The following LRRFIP2 variants were observed in gnomAD, a reference collection of about 807,000 sequenced individuals.
LRRFIP2 encodes leucine-rich repeat flightless-interacting protein 2.
A neutral mutation model predicts 125.9 loss-of-function variants in LRRFIP2; 109 were observed. That is an observed-to-expected ratio of 0.87 (90% CI 0.74 to 1.01). The LOEUF (loss-of-function observed/expected upper bound fraction) is 1.01. Ranked by LOEUF, LRRFIP2 falls within the 50% of genes least tolerant of loss-of-function variation. LRRFIP2 has a pLI of 0.00. For synonymous variants in LRRFIP2, 291 were observed against 293.1 expected, an observed-to-expected ratio of 0.99 and a Z score of 0.07; for missense variants, 850 against 862.3, an observed-to-expected ratio of 0.99 and a Z score of 0.18.
intron 18 of LRRFIP2, among the ~76,000 whole-genome samples, chr3:37,088,056 G>A (rs1178866646): frequency 6.6e-6 from 1 of 152,166 alleles, no homozygotes; most frequent in East Asian, 1.9e-4. Context: ...AAAGCTCCAG[G>A]TGATTATGAC....
At position 37,052,633 on chromosome 3, in the gene LRRFIP2, C is replaced by G. The variant is rs2085865911; in HGVS notation, c.*1218G>C. On this transcript the variant is annotated 3_prime_UTR_variant, in exon 28 of 28. Transcript: ENST00000336686. ...AATGAAGGGCTAATTAAAAAAGGAACAAATATTAGAGATTTTATTCACTTT... is the reference window on the plus strand; with the variant it reads ...AATGAAGGGCTAATTAAAAAAGGAAGAAATATTAGAGATTTTATTCACTTT... 1 of 152,016 alleles carries G rather than the reference C, an allele frequency of 6.6e-6. No homozygotes were observed. The highest frequency in any genetic ancestry group is 1.5e-5 in the Non-Finnish European group (1 of 67,980). 9.4% of individuals were successfully genotyped at this position (152,016 alleles called of 1,614,324 possible). A position where few individuals can be genotyped will look rare whatever the true frequency, so the allele number is the denominator to read the frequency against.
At chr3:37,141,667 T>C (rs2095704923) in intron 2 of LRRFIP2, among the ~76,000 whole-genome samples, 1 of 152,242 alleles carries the variant, frequency 6.6e-6, no homozygotes, top group African/African-American at 2.4e-5. Flanking sequence ...TGGCATATGC[T>C]GTTGCTGAAT....
Position 37,083,658 on chromosome 3 carries a change from C to A in LRRFIP2, c.1256G>T (p.Arg419Ile). The change falls in exon 19 of 28, where the codon AGA becomes ATA. Residue 419 changes from arginine to isoleucine, a missense_variant. Transcript: ENST00000336686. ...EQEEQMAEFY[R>I]ENEEKSKELE... ...TACCTTTGATTTTTCTTCATTTTCT[C>A]TATAAAATTCTGCCATCTGTTCCTC... 1.3e-6 allele frequency: 2 copies of A among 1,561,560 alleles called. No homozygotes were observed. Among genetic ancestry groups the A allele is most frequent in the South Asian group, 2.5e-5 (2 of 81,024 alleles).
In LRRFIP2 at chr3:37,108,171, C is replaced by A. The variant is rs530919002; in HGVS notation, c.658-42G>T. ...AAGAAAGGTTTTACAACAATGATCA[C>A]CTCATTATTCTAATGAGAATACATT... On this transcript the variant is annotated intron_variant, in intron 12 of 27. Coordinates refer to ENST00000336686, the MANE Select transcript of LRRFIP2 (RefSeq NM_006309.4). 2.1e-6 allele frequency: 3 copies of A among 1,462,042 alleles called. No homozygotes were observed. The Admixed American group carries it at 5.0e-5, about 25-fold the overall frequency. The allele number at this position is 1,462,042 out of a possible 1,614,324, so 90.6% of individuals were successfully genotyped here.
intron 17 of LRRFIP2, among the ~76,000 whole-genome samples, chr3:37,093,740 A>G (rs1375203243): frequency 2.6e-5 from 4 of 152,182 alleles, no homozygotes; most frequent in Non-Finnish European, 5.9e-5. Context: ...CTTTCAGGCT[A>G]GCATACAAGA....
chr3:37,066,913 T>G (rs907693772), intron 21 of LRRFIP2: 7 of 152,534 alleles, frequency 4.6e-5, no homozygotes, highest in African/African-American at 1.7e-4. Flanking sequence ...AAAGATCAAC[T>G]TCTGACAACT....
intron 18 of LRRFIP2, among the ~76,000 whole-genome samples, chr3:37,088,813 A>T (rs2093257938): frequency 6.7e-6 from 1 of 148,762 alleles, no homozygotes; most frequent in Non-Finnish European, 1.5e-5. Flanking sequence ...AAAAAATTTT[A>T]AATAAAAAAA....
At chr3:37,156,116 C>T (rs1162049416) in intron 1 of LRRFIP2, among the ~76,000 whole-genome samples, 3 of 152,056 alleles carry the variant, frequency 2.0e-5, no homozygotes, top group African/African-American at 7.2e-5. Context: ...CTCGAGCAAT[C>T]CACCTGCCTC....
chr3:37,121,569 TTG>T (rs1689344517), intron 5 of LRRFIP2, 33 bp from the exon 6 acceptor site: 1 of 1,612,962 alleles, frequency 6.2e-7, no homozygotes, highest in South Asian at 1.1e-5. Context: ...CAGTAAAAGT[TTG>T]TGAGTGATTA....
intron 13 of LRRFIP2, among the ~76,000 whole-genome samples, chr3:37,106,405 T>C (rs2094326137): frequency 6.6e-6 from 1 of 152,204 alleles, no homozygotes; most frequent in Non-Finnish European, 1.5e-5. Flanking sequence ...TTATCTCCAT[T>C]CTAACATCAC....
At chr3:37,109,842 A>C (rs910605841) in intron 9 of LRRFIP2, 139 bp from the exon 10 acceptor site, 2 of 667,160 alleles carry the variant, frequency 3.0e-6, no homozygotes, top group African/African-American at 3.6e-5. Flanking sequence ...TAAGGTAGTT[A>C]AGAAACACAA....
Position 37,053,701 on chromosome 3 carries a change from T to G in LRRFIP2, c.*150A>C. 4.9e-6 allele frequency: 3 copies of G among 609,062 alleles called. No individual in the cohort carries two copies. Among genetic ancestry groups the G allele is most frequent in the Non-Finnish European group, 6.0e-6 (2 of 335,688 alleles). The allele number at this position is 609,062 out of a possible 1,614,324, so 37.7% of individuals were successfully genotyped here. A position where few individuals can be genotyped will look rare whatever the true frequency, so the allele number is the denominator to read the frequency against. ...TTCATTCATGTAGATTCAAAATGAC[T>G]TCATTCTGTCATAAATTATAAAATA... On this transcript the variant is annotated 3_prime_UTR_variant, in exon 28 of 28. Transcript: ENST00000336686.
chr3:37,166,566 A>C (rs1482292859), intron 1 of LRRFIP2, among the ~76,000 whole-genome samples: 1 of 152,138 alleles, frequency 6.6e-6, no homozygotes, highest in African/African-American at 2.4e-5. Flanking sequence ...GTCACATGAA[A>C]AGATGCTCAG....
intron 2 of LRRFIP2, chr3:37,134,799 G>A (rs151299268): frequency 5.6e-5 from 47 of 834,054 alleles, no homozygotes; most frequent in South Asian, 1.4e-4. Context: ...ATATCAAAGC[G>A]GTGTATTCTT....
intron 2 of LRRFIP2, chr3:37,143,802 C>T (rs927337888): frequency 1.9e-5 from 3 of 159,122 alleles, no homozygotes; most frequent in Admixed American, 6.5e-5. Context: ...AGTCCAGTTT[C>T]GAGCTGAAAT....
At chr3:37,095,799 G>A (rs1348906038) in intron 16 of LRRFIP2, among the ~76,000 whole-genome samples, 2 of 151,892 alleles carry the variant, frequency 1.3e-5, no homozygotes, top group African/African-American at 4.8e-5. Flanking sequence ...GCAAAACCAT[G>A]ACTGGCTAAT....
chr3:37,109,753 T>C (rs779568474), intron 9 of LRRFIP2, 50 bp from the exon 10 acceptor site: 27 of 1,531,212 alleles, frequency 1.8e-5, no homozygotes, highest in Non-Finnish European at 2.3e-5. Context: ...CAAAGATGAA[T>C]TGGTCTCACC....
rs1346837912 is a variant in LRRFIP2, at chr3:37,116,334, G to T, written c.331-1239C>A. Among the ~76,000 whole-genome samples the T allele has an allele frequency of 2.0e-5, 3 of 151,464 alleles. No homozygotes were observed. In the East Asian group the frequency reaches 5.8e-4, roughly 29 times the overall value. ...TTTTAATTTTAGGAGATGGGGTCTT[G>T]CTATGTTGCCCAGGTTGGTCTTGAA... On this transcript the variant is annotated intron_variant, in intron 6 of 27. Coordinates refer to ENST00000336686, the MANE Select transcript of LRRFIP2 (RefSeq NM_006309.4).
intron 9 of LRRFIP2, 87 bp from the exon 10 acceptor site, chr3:37,109,790 A>G (rs2094486740): frequency 8.9e-7 from 1 of 1,126,626 alleles, no homozygotes; most frequent in African/African-American, 1.5e-5. Flanking sequence ...ACTTAAGTTT[A>G]TGATTTTATA....
Sources: gnomAD v4.1 joint callset for allele counts (sites outside exome capture counted in the v4.1 genomes callset) on GRCh38, gnomAD v4.1.1 for gene constraint, MANE v1.5 for transcripts, NCBI Gene and HGNC (gene_info 2026-07-23, HGNC 2026-07-21) for gene names.